Variants in TBC1D19 observed in about 807,000 individuals in gnomAD.
TBC1D19 encodes the protein TBC1 domain family, member 19.
TBC1D19 carries 60 observed loss-of-function variants against 89.0 expected under a neutral mutation model. The ratio of observed to expected loss-of-function variants is 0.67; its 90% CI spans 0.55 to 0.84. The LOEUF is 0.84. TBC1D19 is among the 40% of genes least tolerant of loss of function. The pLI, the probability that TBC1D19 is intolerant of heterozygous loss-of-function variation, is 0.00. For missense variants in TBC1D19, 500 were observed against 610.8 expected, an observed-to-expected ratio of 0.82 and a Z score of 1.91; for synonymous variants, 189 against 199.7, an observed-to-expected ratio of 0.95 and a Z score of 0.45.
chr4:26,810,269 T>G, the TBC1D19 span, among the ~76,000 whole-genome samples: 1 of 152,230 alleles, frequency 6.6e-6, no homozygotes, highest in East Asian at 1.9e-4. Flanking sequence ...CAGTAGCTCT[T>G]CGGATCATCT....
intron 4 of TBC1D19, among the ~76,000 whole-genome samples, chr4:26,633,330 A>AGG (rs1742916704): frequency 6.6e-6 from 1 of 152,086 alleles, no homozygotes; most frequent in Non-Finnish European, 1.5e-5. Flanking sequence ...GTTGTGTTTG[A>AGG]GGGTAAGTAG....
rs755216227 is a variant in TBC1D19 at position 26,666,378 on chromosome 4, A to G, written c.637A>G (p.Ile213Val). The G allele has an allele frequency of 1.2e-6, 2 of 1,610,850 alleles. No homozygotes were observed. The highest frequency in any genetic ancestry group is 8.5e-7 in the Non-Finnish European group (1 of 1,178,124). Residue 213 changes from isoleucine to valine, a missense_variant, in exon 9 of 21, where the codon ATA (isoleucine) becomes GTA (valine). This residue lies in a region of TBC1D19 where 280 missense variants were observed against 291.7 expected (regional missense o/e 0.96). Coordinates refer to ENST00000264866, the MANE Select transcript of TBC1D19 (RefSeq NM_018317.4). ...ELGLNIGQLGIDDSTQVPPEL... is the reference protein window; with the variant it reads ...ELGLNIGQLGVDDSTQVPPEL... ...TGGCTTAAATATAGGACAACTGGGT[A>G]TAGATGATTCTACACAAGTGCCTCC...
chr4:26,724,122 T>C (rs942952610), intron 15 of TBC1D19, among the ~76,000 whole-genome samples: 5 of 152,160 alleles, frequency 3.3e-5, no homozygotes, highest in African/African-American at 1.2e-4. Context: ...ATAAGCTTGA[T>C]AGTCTGAAGC....
At chr4:26,856,652 TA>T in the TBC1D19 span, among the ~76,000 whole-genome samples, 1 of 152,256 alleles carries the variant, frequency 6.6e-6, no homozygotes, top group Non-Finnish European at 1.5e-5. Flanking sequence ...GTCTTTTTGA[TA>T]ATAGCCATCA....
At chr4:26,858,246 C>G in the TBC1D19 span, 1 of 150,200 alleles carries the variant, frequency 6.7e-6, no homozygotes, top group African/African-American at 2.5e-5. Context: ...TGTTTGAAGT[C>G]ATGATTTGGT....
chr4:26,833,029 A>G, the TBC1D19 span, among the ~76,000 whole-genome samples: 1 of 152,076 alleles, frequency 6.6e-6, no homozygotes. Flanking sequence ...AAAAACAAAT[A>G]TACCACATAA....
At chr4:26,776,198 A>G in the TBC1D19 span, among the ~76,000 whole-genome samples, 5 of 152,314 alleles carry the variant, frequency 3.3e-5, no homozygotes, top group Middle Eastern at 6.8e-3. Flanking sequence ...TAGGTTGGTC[A>G]TTGTTATTAG....
chr4:26,837,933 A>G, the TBC1D19 span, among the ~76,000 whole-genome samples: 1 of 152,210 alleles, frequency 6.6e-6, no homozygotes, highest in Admixed American at 6.5e-5. Flanking sequence ...TTTTTCCCCT[A>G]AAAAATGACT....
intron 7 of TBC1D19, among the ~76,000 whole-genome samples, chr4:26,642,348 G>T (rs1295638948): frequency 1.3e-5 from 2 of 152,216 alleles, no homozygotes; most frequent in Non-Finnish European, 2.9e-5. Flanking sequence ...AAGTGAAGGA[G>T]AAATAAAATC....
At chr4:26,849,757 G>C in the TBC1D19 span, among the ~76,000 whole-genome samples, 3 of 152,054 alleles carry the variant, frequency 2.0e-5, no homozygotes, top group African/African-American at 7.2e-5. Context: ...CTTGTTGTTG[G>C]GTGAACCACT....
chr4:26,651,895 G>A (rs371394373), intron 7 of TBC1D19, among the ~76,000 whole-genome samples: 1 of 151,914 alleles, frequency 6.6e-6, no homozygotes, highest in Non-Finnish European at 1.5e-5. Context: ...CCATCAATAC[G>A]TAATTTATTG....
Position 26,673,855 on chromosome 4 carries a change from G to A in TBC1D19, c.783G>A (p.Trp261Ter). 1.2e-6 allele frequency: 2 copies of A among 1,606,656 alleles called. No homozygotes were observed. The highest frequency in any genetic ancestry group is 2.2e-5 in the South Asian group (2 of 90,074). ...CCACGGCACTGAGAGCTGAATTGTG[G>A]GCTCTCATTTTGAATATTTCCAGCC... ...GSPTALRAEL[W>*]ALILNISSQP... The change falls in exon 11 of 21, where the codon TGG becomes TGA. Residue 261 changes from tryptophan to a stop codon, truncating the protein, a stop_gained. Transcript: ENST00000264866. LOFTEE classifies it high-confidence loss of function.
At chr4:26,649,486 A>G (rs1352995096) in intron 7 of TBC1D19, among the ~76,000 whole-genome samples, 1 of 152,220 alleles carries the variant, frequency 6.6e-6, no homozygotes, top group Non-Finnish European at 1.5e-5. Context: ...TACCCAAAAA[A>G]GAAACCTTAT....
At chr4:26,686,128 T>TAA (rs74447111) in intron 12 of TBC1D19, among the ~76,000 whole-genome samples, 2 of 150,396 alleles carry the variant, frequency 1.3e-5, no homozygotes, top group African/African-American at 4.9e-5. Context: ...AATGATCATT[T>TAA]AAAAAAAAAA....
chr4:26,681,090 A>G (rs1422518867), intron 11 of TBC1D19, among the ~76,000 whole-genome samples: 1 of 152,242 alleles, frequency 6.6e-6, no homozygotes, highest in Non-Finnish European at 1.5e-5. Context: ...GAGTTGGGAA[A>G]GTGCAAATTA....
chr4:26,774,507 G>A, the TBC1D19 span, among the ~76,000 whole-genome samples: 10 of 152,094 alleles, frequency 6.6e-5, no homozygotes, highest in Non-Finnish European at 1.2e-4. Context: ...TGTTGTCAGC[G>A]TACTGGTCTT....
intron 7 of TBC1D19, among the ~76,000 whole-genome samples, chr4:26,641,617 TAA>T (rs1743543265): frequency 7.2e-6 from 1 of 138,016 alleles, no homozygotes; most frequent in Non-Finnish European, 1.7e-5. Context: ...AAGTCGGTAA[TAA>T]CACACGTCTC....
At chr4:26,778,988 G>A in the TBC1D19 span, among the ~76,000 whole-genome samples, 3 of 152,174 alleles carry the variant, frequency 2.0e-5, no homozygotes, top group Non-Finnish European at 4.4e-5. Context: ...CATAGCATAT[G>A]TTAAAACTCC....
chr4:26,668,888 A>G (rs922118254), intron 9 of TBC1D19, among the ~76,000 whole-genome samples: 3 of 151,930 alleles, frequency 2.0e-5, no homozygotes, highest in Non-Finnish European at 2.9e-5. Flanking sequence ...AGTCCTTACA[A>G]TTATACTATA....
Sources: gnomAD v4.1 joint callset for allele counts (sites outside exome capture counted in the v4.1 genomes callset) on GRCh38, gnomAD v4.1.1 for gene constraint, gnomAD v4.1.1 regional missense constraint, MANE v1.5 for transcripts, NCBI Gene and HGNC (gene_info 2026-07-23, HGNC 2026-07-21) for gene names.